Variants in KCNH8 observed in about 807,000 individuals in gnomAD.
KCNH8 encodes the protein potassium voltage-gated channel subfamily H member 8, also known as voltage-gated delayed rectifier potassium channel KCNH8.
KCNH8 carries 70 observed loss-of-function variants against 103.6 expected under a neutral mutation model. The ratio of observed to expected loss-of-function variants is 0.68; its 90% CI spans 0.56 to 0.82. KCNH8 has a LOEUF of 0.82. Among genes scored for constraint, KCNH8 ranks in the 40% least tolerant of loss-of-function variants. The pLI, the probability that KCNH8 is intolerant of heterozygous loss-of-function variation, is 0.00. For synonymous variants in KCNH8, 498 were observed against 489.4 expected, an observed-to-expected ratio of 1.02 and a Z score of -0.23; for missense variants, 1,217 against 1,329.9, an observed-to-expected ratio of 0.92 and a Z score of 1.32.
intron 2 of KCNH8, among the ~76,000 whole-genome samples, chr3:19,266,254 C>T (rs1315589991): frequency 1.3e-5 from 2 of 152,036 alleles, no homozygotes; most frequent in East Asian, 3.9e-4. Flanking sequence ...CTCCCTGTTC[C>T]CTTCATTTCT....
intron 15 of KCNH8, among the ~76,000 whole-genome samples, chr3:19,526,909 C>CTAT (rs912780455): frequency 2.6e-5 from 4 of 151,900 alleles, no homozygotes; most frequent in Admixed American, 2.0e-4. Flanking sequence ...TTGTAGAGTT[C>CTAT]TATTATGTGG....
At chr3:19,208,449 C>T (rs1038688717) in intron 1 of KCNH8, among the ~76,000 whole-genome samples, 1 of 151,916 alleles carries the variant, frequency 6.6e-6, no homozygotes, top group Non-Finnish European at 1.5e-5. Flanking sequence ...AACATCCTAA[C>T]TCCATTTGGA....
At chr3:19,500,821 G>A (rs557361263) in intron 11 of KCNH8, among the ~76,000 whole-genome samples, 1 of 152,024 alleles carries the variant, frequency 6.6e-6, no homozygotes, top group Non-Finnish European at 1.5e-5. Flanking sequence ...GCCCACAAGA[G>A]AAAGCAGGAA....
At position 19,238,430 on chromosome 3, in the gene KCNH8, AAAAG is replaced by A. The variant is rs751848751; in HGVS notation, c.77-15220_77-15217del. Among the ~76,000 whole-genome samples, 13 of 152,346 alleles carry A rather than the reference AAAAG, an allele frequency of 8.5e-5. 1 individual carries two copies. Among genetic ancestry groups the A allele is most frequent in the Admixed American group, 4.6e-4 (7 of 15,302 alleles). ...ACTAGACAATGGTAAAACAAACTGA[AAAAG>A]AAAAAAATATCCAGGAAGTAGAGAG... On this transcript the variant is annotated intron_variant, in intron 1 of 15. Coordinates refer to ENST00000328405, the MANE Select transcript of KCNH8 (RefSeq NM_144633.3).
chr3:19,506,106 G>C (rs947912525), intron 11 of KCNH8, among the ~76,000 whole-genome samples: 1 of 152,048 alleles, frequency 6.6e-6, no homozygotes, highest in Non-Finnish European at 1.5e-5. Context: ...ACTTTCTCCT[G>C]AATCTCGATT....
intron 2 of KCNH8, among the ~76,000 whole-genome samples, chr3:19,265,695 G>T (rs77619404): frequency 0.017 from 2,567 of 152,050 alleles, 60 homozygotes; most frequent in African/African-American, 0.056. Flanking sequence ...CAAAAGTTTT[G>T]TGAGGTCTTA....
chr3:19,268,343 A>G (rs2064541780), intron 2 of KCNH8, among the ~76,000 whole-genome samples: 1 of 152,226 alleles, frequency 6.6e-6, no homozygotes, highest in East Asian at 1.9e-4. Flanking sequence ...GAAATTGACT[A>G]CATGGAGGAA....
chr3:19,534,207 C>T lies in KCNH8; in HGVS notation c.*108C>T. On this transcript the variant is annotated 3_prime_UTR_variant, in exon 16 of 16. Transcript: ENST00000328405. ...ATGAAGACTGAGCAAAGCTGGGAAT[C>T]CTGCAGAAAAGAGTGTGAGGAGCCA... is the stretch of plus-strand genomic sequence containing the variant. 3 of 784,836 alleles carry T rather than the reference C, an allele frequency of 3.8e-6. No homozygotes were observed. The highest frequency in any genetic ancestry group is 6.1e-6 in the Non-Finnish European group (3 of 492,260). 48.6% of individuals were successfully genotyped at this position (784,836 alleles called of 1,614,324 possible).
intron 3 of KCNH8, among the ~76,000 whole-genome samples, chr3:19,321,075 TCTTTTTGG>T (rs2065344022): frequency 6.6e-6 from 1 of 152,140 alleles, no homozygotes; most frequent in East Asian, 1.9e-4. Context: ...TCTTCTCTCT[TCTTTTTGG>T]CTTAATCTTG....
chr3:19,287,592 T>G (rs1484483075), intron 3 of KCNH8, among the ~76,000 whole-genome samples: 1 of 151,588 alleles, frequency 6.6e-6, no homozygotes, highest in Non-Finnish European at 1.5e-5. Flanking sequence ...TTGTTGTTGT[T>G]GTTGTTGTTG....
At chr3:19,305,060 C>T (rs1311228567) in intron 3 of KCNH8, among the ~76,000 whole-genome samples, 1 of 151,442 alleles carries the variant, frequency 6.6e-6, no homozygotes, top group Non-Finnish European at 1.5e-5. Flanking sequence ...CATCATGACA[C>T]TGTTAACTGC....
At position 19,456,880 on chromosome 3, in the gene KCNH8, A is replaced by T. The variant is rs1161314404; in HGVS notation, c.1938A>T (p.Gly646=). ...ATCTCCAGTGTATCATCCTCAAAGGACTCTTTGAAGTGCTAGACCTTTACC... is the reference window on the plus strand; with the variant it reads ...ATCTCCAGTGTATCATCCTCAAAGGTCTCTTTGAAGTGCTAGACCTTTACC... ...YCDLQCIILK[G]LFEVLDLYPE... The change falls in exon 11 of 16, where the codon GGA becomes GGT. Residue 646 remains glycine (G), a synonymous_variant. Coordinates refer to ENST00000328405, the MANE Select transcript of KCNH8 (RefSeq NM_144633.3). 6.2e-7 allele frequency: 1 copy of T among 1,610,182 alleles called. No individual in the cohort carries two copies. The highest frequency in any genetic ancestry group is 2.2e-5 in the East Asian group (1 of 44,802).
intron 11 of KCNH8, among the ~76,000 whole-genome samples, chr3:19,460,282 A>G (rs2067602192): frequency 6.6e-6 from 1 of 152,052 alleles, no homozygotes; most frequent in Non-Finnish European, 1.5e-5. Context: ...GGCTCTTCCT[A>G]TTTAGCAGAG....
intron 11 of KCNH8, among the ~76,000 whole-genome samples, chr3:19,492,780 T>C (rs2068350878): frequency 6.6e-6 from 1 of 151,848 alleles, no homozygotes; most frequent in African/African-American, 2.4e-5. Context: ...GCCAGCATGG[T>C]CATTTTCATG....
chr3:19,198,144 G>A (rs1286259713), intron 1 of KCNH8, among the ~76,000 whole-genome samples: 1 of 152,046 alleles, frequency 6.6e-6, no homozygotes, highest in African/African-American at 2.4e-5. Flanking sequence ...AAAACCTATT[G>A]ATTCATAATG....
At chr3:19,326,354 T>TAA (rs34080314) in intron 3 of KCNH8, among the ~76,000 whole-genome samples, 2 of 97,032 alleles carry the variant, frequency 2.1e-5, no homozygotes, top group Admixed American at 1.9e-4. Context: ...CAATGAAAGT[T>TAA]AAATATATAT....
chr3:19,499,632 T>A (rs1158956715), intron 11 of KCNH8, among the ~76,000 whole-genome samples: 1 of 152,112 alleles, frequency 6.6e-6, no homozygotes, highest in Non-Finnish European at 1.5e-5. Context: ...GGGGCCAATA[T>A]TCAACATTCT....
chr3:19,508,515 A>G (rs946845853), intron 11 of KCNH8, among the ~76,000 whole-genome samples: 1 of 152,130 alleles, frequency 6.6e-6, no homozygotes, highest in Non-Finnish European at 1.5e-5. Context: ...AAATACCTAT[A>G]TTATAGGATC....
rs999361076 is a variant in KCNH8 at position 19,513,212 on chromosome 3, C to T, written c.2322C>T (p.Ser774=). ...CTATCAGAGTCTCCAGGTCAAATTC[C>T]CCCAAAACCAAGCAGGAAATTGACC... The part of the protein sequence containing the change: ...HSPIRVSRSN[S]PKTKQEIDPP... Residue 774 remains serine (S), a synonymous_variant, in exon 13 of 16, where the codon TCC becomes TCT. Transcript: ENST00000328405. 5 of 1,613,820 alleles carry T rather than the reference C, an allele frequency of 3.1e-6. No homozygotes were observed. The highest frequency in any genetic ancestry group is 4.2e-6 in the Non-Finnish European group (5 of 1,179,954).
Sources: gnomAD v4.1 joint callset for allele counts (sites outside exome capture counted in the v4.1 genomes callset) on GRCh38, gnomAD v4.1.1 for gene constraint, MANE v1.5 for transcripts, NCBI Gene and HGNC (gene_info 2026-07-23, HGNC 2026-07-21) for gene names.